Variants in IL6R observed in about 807,000 individuals in gnomAD.
IL6R encodes the protein interleukin-6 receptor subunit alpha.
In IL6R, 38 loss-of-function variants were observed where a neutral mutation model predicts 48.3. The observed-to-expected ratio is 0.79, with a 90% CI of 0.61 to 1.03. The LOEUF (loss-of-function observed/expected upper bound fraction) is 1.03. Ranked by LOEUF, IL6R falls within the 50% of genes least tolerant of loss-of-function variation. The pLI is 0.00. For missense variants in IL6R, 534 were observed against 618.3 expected, an observed-to-expected ratio of 0.86 and a Z score of 1.45; for synonymous variants, 264 against 256.2, an observed-to-expected ratio of 1.03 and a Z score of -0.29.
At chr1:154,448,296 G>C (rs1690387320) in intron 7 of IL6R, 125 bp downstream of exon 7, 7 of 739,624 alleles carry the variant, frequency 9.5e-6, no homozygotes, top group Middle Eastern at 3.9e-4. Context: ...GTCGTGGTGA[G>C]TTACCTGTGC....
intron 8 of IL6R, among the ~76,000 whole-genome samples, chr1:154,452,324 C>G (rs1008615422): frequency 1.3e-5 from 2 of 152,168 alleles, no homozygotes; most frequent in East Asian, 3.9e-4. Flanking sequence ...TATCTTTAGA[C>G]GTTGCCTCTC....
Position 154,429,185 on chromosome 1 carries a change from C to T in IL6R, c.86-11C>T. On this transcript the variant is annotated splice_polypyrimidine_tract_variant and intron_variant, in intron 1 of 9. Coordinates refer to ENST00000368485, the MANE Select transcript of IL6R (RefSeq NM_000565.4). ...GCTGTGGGCTCACCAAGTGTCTTCT[C>T]CCTCCTCCAGAGGTGGCGAGAGGCG... 1 of 1,603,916 alleles carries T rather than the reference C, an allele frequency of 6.2e-7. No individual in the cohort carries two copies. Among genetic ancestry groups the T allele is most frequent in the Non-Finnish European group, 8.5e-7 (1 of 1,171,696 alleles).
intron 1 of IL6R, among the ~76,000 whole-genome samples, chr1:154,410,802 A>G (rs148851744): frequency 5.3e-5 from 8 of 152,246 alleles, no homozygotes; most frequent in South Asian, 2.1e-4. Flanking sequence ...TGTTCTCTGA[A>G]TCAGTTCCCA....
At chr1:154,449,592 G>A (rs74650324) in intron 7 of IL6R, among the ~76,000 whole-genome samples, 2,522 of 152,308 alleles carry the variant, frequency 0.017, 67 homozygotes, top group African/African-American at 0.056. Flanking sequence ...TTCCAGTCAT[G>A]GTAGTACCTG....
At position 154,434,591 on chromosome 1, in the gene IL6R, G is replaced by C; in HGVS notation, c.531G>C (p.Gln177His). The C allele has an allele frequency of 6.2e-7, 1 of 1,614,112 alleles. No individual in the cohort carries two copies. Among genetic ancestry groups the C allele is most frequent in the African/African-American group, 1.3e-5 (1 of 75,040 alleles). The change falls in exon 4 of 10, where the codon CAG (glutamine) becomes CAC (histidine). Residue 177 changes from glutamine to histidine, a missense_variant. Physicochemically the swap from Gln to His is conservative, Grantham distance 24. Coordinates refer to ENST00000368485, the MANE Select transcript of IL6R (RefSeq NM_000565.4). ...AGGAGTCCCAGAAGTTCTCCTGCCA[G>C]TTAGCAGTCCCGGAGGGAGACAGCT... ...YSQESQKFSC[Q>H]LAVPEGDSSF...
Position 154,464,356 on chromosome 1 carries a change from C to T in IL6R, c.1161-778C>T, listed in dbSNP as rs538879343. On this transcript the variant is annotated intron_variant, in intron 9 of 9. Transcript: ENST00000368485. ...TTTTAGTAGAGACGGGGTTTCACCA[C>T]GTTGGCCAGGCTGGTCTTGAACTCC... Among the ~76,000 whole-genome samples the T allele has an allele frequency of 2.8e-4, 42 of 152,016 alleles. No homozygotes were observed. In the East Asian group the frequency reaches 3.9e-3, roughly 14 times the overall value.
At chr1:154,441,702 C>T (rs939546329) in intron 6 of IL6R, among the ~76,000 whole-genome samples, 5 of 152,068 alleles carry the variant, frequency 3.3e-5, no homozygotes, top group East Asian at 1.9e-4. Flanking sequence ...ACTGTATCAC[C>T]GTGTGGGGTG....
chr1:154,454,671 A>G (rs1690775203), intron 9 of IL6R, 90 bp downstream of exon 9: 2 of 857,330 alleles, frequency 2.3e-6, no homozygotes, highest in African/African-American at 3.4e-5. Context: ...TGGTGCATTT[A>G]TTCATTCATT....
intron 8 of IL6R, 110 bp downstream of exon 8, chr1:154,450,090 A>G: frequency 4.7e-6 from 3 of 641,728 alleles, no homozygotes; most frequent in Non-Finnish European, 8.7e-6. Context: ...TCACAGATCA[A>G]TCGCAGAAAT....
At chr1:154,425,163 G>A (rs918366751) in intron 1 of IL6R, among the ~76,000 whole-genome samples, 11 of 152,190 alleles carry the variant, frequency 7.2e-5, no homozygotes, top group African/African-American at 2.7e-4. Flanking sequence ...TCTGCTTGTG[G>A]ATTTCATTTC....
intron 7 of IL6R, among the ~76,000 whole-genome samples, chr1:154,449,705 A>G (rs1690476600): frequency 6.6e-6 from 1 of 152,210 alleles, no homozygotes; most frequent in Non-Finnish European, 1.5e-5. Flanking sequence ...AGGTGGAAAG[A>G]AAGCCCCACC....
At chr1:154,454,105 C>T (rs188089206) in intron 8 of IL6R, 4 of 236,758 alleles carry the variant, frequency 1.7e-5, no homozygotes, top group Admixed American at 1.0e-4. Context: ...CAAAGCCTTC[C>T]GTTTGTTGTA....
intron 8 of IL6R, among the ~76,000 whole-genome samples, chr1:154,451,919 C>G (rs1690604823): frequency 6.6e-6 from 1 of 152,186 alleles, no homozygotes; most frequent in Non-Finnish European, 1.5e-5. Context: ...TCTCCATCTT[C>G]CCTATCTCAG....
intron 8 of IL6R, among the ~76,000 whole-genome samples, chr1:154,450,246 C>G (rs565400917): frequency 1.3e-5 from 2 of 152,122 alleles, no homozygotes; most frequent in East Asian, 3.9e-4. Context: ...CTGCCTCAGC[C>G]TCCCAAGTAG....
chr1:154,436,836 T>C lies in IL6R; in HGVS notation c.949+726T>C, dbSNP rs1341451518. Among the ~76,000 whole-genome samples the C allele has an allele frequency of 2.6e-5, 4 of 152,186 alleles. 1 individual carries two copies. The highest frequency in any genetic ancestry group is 6.5e-5 in the Admixed American group (1 of 15,272). ...GGTAGTAATAATTGCCATTGGGGAT[T>C]GTTGAAATTAGAGCATGAAAAATTC... On this transcript the variant is annotated intron_variant, in intron 6 of 9. Transcript: ENST00000368485.
chr1:154,420,866 A>C lies in IL6R; in HGVS notation c.86-8330A>C, dbSNP rs572881396. 2.0e-4 allele frequency among the ~76,000 whole-genome samples: 31 copies of C among 152,314 alleles called. 1 individual carries two copies. In the South Asian group the frequency reaches 6.4e-3, roughly 32 times the overall value. On this transcript the variant is annotated intron_variant, in intron 1 of 9. Transcript: ENST00000368485. ...GTACTTTATATTAAAGAACAAATCA[A>C]GGCAGACTGTACGTTTGTGTCAGCC...
chr1:154,429,143 A>G (rs1293977808), intron 1 of IL6R, 53 bp from the exon 2 acceptor site: 8 of 1,575,804 alleles, frequency 5.1e-6, no homozygotes, highest in Non-Finnish European at 6.9e-6. Flanking sequence ...ACCAGAACGA[A>G]GCCCCCTTCT....
At chr1:154,411,978 T>C (rs1378749338) in intron 1 of IL6R, among the ~76,000 whole-genome samples, 3 of 150,290 alleles carry the variant, frequency 2.0e-5, no homozygotes, top group Non-Finnish European at 4.4e-5. Context: ...GATGGAGTCT[T>C]GCTCTGTCGC....
intron 9 of IL6R, among the ~76,000 whole-genome samples, chr1:154,461,939 G>A (rs909513550): frequency 3.3e-5 from 5 of 152,092 alleles, no homozygotes; most frequent in African/African-American, 9.7e-5. Context: ...ACTGGTTGCC[G>A]GAATTAGGGG....
Sources: allele counts gnomAD v4.1 joint callset (sites outside exome capture counted in the v4.1 genomes callset), GRCh38; gene constraint gnomAD v4.1.1; transcripts MANE v1.5; gene names NCBI Gene and HGNC (gene_info 2026-07-23, HGNC 2026-07-21).